CABIN1: variants seen among roughly 807,000 people sequenced by gnomAD.
The protein encoded by CABIN1 is calcineurin-binding protein cabin-1.
Under a neutral mutation model 227.7 loss-of-function variants are expected in CABIN1, and 133 were observed. That is an observed-to-expected ratio of 0.58 (90% CI 0.51 to 0.67). The LOEUF is 0.67. CABIN1 is among the 30% of genes least tolerant of loss of function. The pLI, the probability that CABIN1 is intolerant of heterozygous loss-of-function variation, is 0.00. For missense variants in CABIN1, 2,408 were observed against 2,852.5 expected (o/e 0.84, Z 3.55); for synonymous variants, 1,086 against 1,155.1 (o/e 0.94, Z 1.21).
intron 28 of CABIN1, 150 bp from the exon 29 acceptor site, chr22:24,134,152 A>G: frequency 1.5e-6 from 1 of 673,248 alleles, no homozygotes; most frequent in Non-Finnish European, 2.7e-6. Context: ...CCATGGCCAG[A>G]GCAGCCTGGA....
intron 29 of CABIN1, among the ~76,000 whole-genome samples, chr22:24,144,275 G>A (rs1359179734): frequency 1.3e-5 from 2 of 152,226 alleles, no homozygotes; most frequent in African/African-American, 4.8e-5. Context: ...GATGGGGAGG[G>A]ACAGCAAGAG....
Position 24,142,061 on chromosome 22 carries a change from G to A in CABIN1, c.4746+7646G>A, listed in dbSNP as rs546691456. Reference sequence around the variant, plus strand: ...TCAGCAAGAATCAGTCATGCCCATTGTACTTTAATTCGCCACCAGTTGGTT... The same window carrying A: ...TCAGCAAGAATCAGTCATGCCCATTATACTTTAATTCGCCACCAGTTGGTT... On this transcript the variant is annotated intron_variant, in intron 29 of 36. Transcript: ENST00000263119. 6.6e-5 allele frequency among the ~76,000 whole-genome samples: 10 copies of A among 152,238 alleles called. No homozygotes were observed. In the East Asian group the frequency reaches 9.7e-4, roughly 15 times the overall value.
At chr22:24,018,304 T>C (rs2146493698) in intron 1 of CABIN1, among the ~76,000 whole-genome samples, 1 of 152,314 alleles carries the variant, frequency 6.6e-6, no homozygotes, top group Admixed American at 6.5e-5. Context: ...AATTTTTAAA[T>C]TTTTATGTAG....
At chr22:24,095,578 A>G (rs573077488) in intron 24 of CABIN1, among the ~76,000 whole-genome samples, 339 of 152,294 alleles carry the variant, frequency 2.2e-3, no homozygotes, top group Non-Finnish European at 3.3e-3. Context: ...CTCACTTTCT[A>G]TGGGTGCCCA....
At chr22:24,139,560 C>T (rs1220833950) in intron 29 of CABIN1, among the ~76,000 whole-genome samples, 2 of 149,184 alleles carry the variant, frequency 1.3e-5, no homozygotes, top group African/African-American at 2.5e-5. Flanking sequence ...AGCAAGACTC[C>T]GTGTCAAAAA....
chr22:24,038,249 G>A, intron 3 of CABIN1, 99 bp from the exon 4 acceptor site: 1 of 882,884 alleles, frequency 1.1e-6, no homozygotes, highest in Non-Finnish European at 1.9e-6. Flanking sequence ...TAATCACATG[G>A]TTGGTTCCTC....
chr22:24,068,089 AAT>A (rs2039821234), intron 16 of CABIN1, among the ~76,000 whole-genome samples: 1 of 152,210 alleles, frequency 6.6e-6, no homozygotes, highest in African/African-American at 2.4e-5. Flanking sequence ...GAAGCATTTT[AAT>A]CATTAACATT....
rs745905635 is a variant in CABIN1, at chr22:24,165,558, G to T, written c.4939G>T (p.Val1647Phe). Residue 1647 changes from valine to phenylalanine, a missense_variant, in exon 31 of 37, where the codon GTC becomes TTC. Val to Phe is a conservative substitution (Grantham distance 50). This residue lies in a region of CABIN1 where 714 missense variants were observed against 773.8 expected (regional missense o/e 0.92). Coordinates refer to ENST00000263119, the MANE Select transcript of CABIN1 (RefSeq NM_012295.4). ...GTATCTGCGAGATGCTGACCGCCAG[G>T]TCCTGGCGCAGCGGGCCTTCATCCT... The part of the protein sequence containing the change: ...KKYLRDADRQ[V>F]LAQRAFILTV... The T allele has an allele frequency of 3.7e-5, 60 of 1,613,110 alleles. No homozygotes were observed. Among genetic ancestry groups the T allele is most frequent in the Non-Finnish European group, 5.0e-5 (59 of 1,180,006 alleles).
At chr22:24,139,782 C>T (rs1052826951) in intron 29 of CABIN1, among the ~76,000 whole-genome samples, 1 of 152,196 alleles carries the variant, frequency 6.6e-6, no homozygotes, top group African/African-American at 2.4e-5. Flanking sequence ...TCCTAAGTCC[C>T]CTGGCCTGGC....
chr22:24,176,123 T>C lies in CABIN1; in HGVS notation c.6053T>C (p.Leu2018Pro), dbSNP rs781781726. The change falls in exon 35 of 37, where the codon CTG (leucine) becomes CCG (proline). Residue 2018 changes from leucine to proline, a missense_variant. Transcript: ENST00000263119. ...CATGTCCCCACAGAGGGAGAAGAGC[T>C]GGCGAGAGTGGCAGAGGGCACCAGC... Reference protein sequence around the residue: ...MASLGPEGEELARVAEGTSFP... With the variant: ...MASLGPEGEEPARVAEGTSFP... 6.2e-7 allele frequency: 1 copy of C among 1,610,790 alleles called. No homozygotes were observed. The highest frequency in any genetic ancestry group is 1.1e-5 in the South Asian group (1 of 90,584).
chr22:24,044,917 A>G (rs1211372938), intron 6 of CABIN1, among the ~76,000 whole-genome samples: 1 of 150,914 alleles, frequency 6.6e-6, no homozygotes, highest in Non-Finnish European at 1.5e-5. Context: ...AGCCCTCATC[A>G]GAATCACCTT....
Position 24,062,973 on chromosome 22 carries a change from T to C in CABIN1, c.1711T>C (p.Cys571Arg). 6.2e-7 allele frequency: 1 copy of C among 1,614,196 alleles called. No individual in the cohort carries two copies. The change falls in exon 14 of 37, where the codon TGC (cysteine) becomes CGC (arginine). Residue 571 changes from cysteine (C) to arginine (R), a missense_variant. Transcript: ENST00000263119. ...ATGGTTTTTAGTGTCTCCTCGGAACTGCCCTGCTGGTATGGTGAATGGCAG... is the reference window on the plus strand; with the variant it reads ...ATGGTTTTTAGTGTCTCCTCGGAACCGCCCTGCTGGTATGGTGAATGGCAG... Reference protein sequence around the residue: ...GRSSAVSPRNCPAGMVNGRFG... With the variant: ...GRSSAVSPRNRPAGMVNGRFG...
At chr22:24,082,928 A>G (rs2040903582) in intron 19 of CABIN1, among the ~76,000 whole-genome samples, 2 of 152,240 alleles carry the variant, frequency 1.3e-5, no homozygotes, top group Non-Finnish European at 2.9e-5. Context: ...CCAGGAGGCA[A>G]ATATCTTCTT....
In CABIN1 at chr22:24,036,415, T is replaced by C. The variant is rs2036892890; in HGVS notation, c.96+234T>C. 2.6e-5 allele frequency among the ~76,000 whole-genome samples: 4 copies of C among 152,348 alleles called. No individual in the cohort carries two copies. In the South Asian group the frequency reaches 8.3e-4, roughly 32 times the overall value. On this transcript the variant is annotated intron_variant, in intron 3 of 36. Transcript: ENST00000263119. ...TGAAGGCCAGCTCAGCCCCCAGGCC[T>C]ACTTCCATGCACCCCATTCTTTGTG...
At chr22:24,149,668 C>T (rs1423786432) in intron 29 of CABIN1, among the ~76,000 whole-genome samples, 1 of 152,204 alleles carries the variant, frequency 6.6e-6, no homozygotes, top group Non-Finnish European at 1.5e-5. Flanking sequence ...TGGCTCTTCC[C>T]CGTGGACTCC....
intron 26 of CABIN1, chr22:24,101,822 G>C (rs959513642): frequency 1.3e-5 from 2 of 152,110 alleles, no homozygotes; most frequent in Non-Finnish European, 2.9e-5. Context: ...GGAGATCTTT[G>C]AACAAGACCT....
At chr22:24,095,525 G>C (rs2330722) in intron 24 of CABIN1, among the ~76,000 whole-genome samples, 8,746 of 148,538 alleles carry the variant, frequency 0.059, 300 homozygotes, top group South Asian at 0.11. Context: ...CCTAGTCCTT[G>C]TTTCAGGGAG....
chr22:24,149,836 G>A (rs1204964343), intron 29 of CABIN1, among the ~76,000 whole-genome samples: 1 of 152,238 alleles, frequency 6.6e-6, no homozygotes, highest in Non-Finnish European at 1.5e-5. Flanking sequence ...CATAGGTCCA[G>A]CTCTGAGCTT....
At chr22:24,037,029 G>T (rs1424699511) in intron 3 of CABIN1, among the ~76,000 whole-genome samples, 3 of 152,090 alleles carry the variant, frequency 2.0e-5, no homozygotes, top group Non-Finnish European at 2.9e-5. Context: ...GGAGGCTGAG[G>T]TGAGTGGATC....
Sources: allele counts gnomAD v4.1 joint callset (sites outside exome capture counted in the v4.1 genomes callset), GRCh38; gene constraint gnomAD v4.1.1; regional missense constraint gnomAD v4.1.1; transcripts MANE v1.5; gene names NCBI Gene and HGNC (gene_info 2026-07-23, HGNC 2026-07-21).